BCKDHA: variants seen among roughly 807,000 people sequenced by gnomAD.
BCKDHA encodes 2-oxoisovalerate dehydrogenase subunit alpha, mitochondrial.
In BCKDHA, 43 loss-of-function variants were observed where a neutral mutation model predicts 52.2. The observed-to-expected ratio is 0.82, with a 90% CI of 0.64 to 1.06. BCKDHA has a LOEUF of 1.06. Ranked by LOEUF, BCKDHA falls within the 50% of genes least tolerant of loss-of-function variation. The pLI, the probability that BCKDHA is intolerant of heterozygous loss-of-function variation, is 0.00. For missense variants in BCKDHA, 527 were observed against 621.3 expected, an observed-to-expected ratio of 0.85 and a Z score of 1.61; for synonymous variants, 234 against 247.9, an observed-to-expected ratio of 0.94 and a Z score of 0.53.
In BCKDHA at chr19:41,423,078, A is replaced by C. The variant is rs751195488; in HGVS notation, c.1076A>C (p.His359Pro). 1.3e-6 allele frequency: 2 copies of C among 1,586,076 alleles called. No homozygotes were observed. The highest frequency in any genetic ancestry group is 4.6e-5 in the East Asian group (2 of 43,500). ...DEVNYWDKQD[H>P]PISRLRHYLL... ...GTCAATTACTGGGATAAACAGGACC[A>C]CCCCATCTCCCGGCTGCGGCACTAT... Residue 359 changes from histidine to proline, a missense_variant, in exon 8 of 9, where the codon CAC (histidine) becomes CCC (proline). His to Pro is a moderately conservative substitution (Grantham distance 77). Transcript: ENST00000269980.
intron 1 of BCKDHA, among the ~76,000 whole-genome samples, chr19:41,399,016 T>C (rs2039107925): frequency 6.6e-6 from 1 of 151,910 alleles, no homozygotes; most frequent in South Asian, 2.1e-4. Context: ...GAAACTAACC[T>C]TGGAGATGGG....
chr19:41,398,168 C>A (rs2039097458), intron 1 of BCKDHA, among the ~76,000 whole-genome samples: 1 of 152,092 alleles, frequency 6.6e-6, no homozygotes, highest in South Asian at 2.1e-4. Flanking sequence ...TCTTTGTGGG[C>A]CCTGAGGGAG....
chr19:41,403,213 T>C (rs1172884156), intron 1 of BCKDHA, among the ~76,000 whole-genome samples: 2 of 152,204 alleles, frequency 1.3e-5, no homozygotes, highest in East Asian at 3.8e-4. Flanking sequence ...CTTTGCTCTG[T>C]TTGAGGGCAG....
In BCKDHA at chr19:41,412,742, C is replaced by T. The variant is rs367849723; in HGVS notation, c.376-1307C>T. Among the ~76,000 whole-genome samples, 229 of 149,630 alleles carry T rather than the reference C, an allele frequency of 1.5e-3. 1 individual carries two copies. Among genetic ancestry groups the T allele is most frequent in the African/African-American group, 5.4e-3 (221 of 40,558 alleles). ...ATTTAGAGACGGAGTCCACCTCTGT[C>T]GCCCAGGCTGGAGTGCAGTGGCGCA... On this transcript the variant is annotated intron_variant, in intron 3 of 8. Coordinates refer to ENST00000269980, the MANE Select transcript of BCKDHA (RefSeq NM_000709.4).
At chr19:41,416,157 T>C (rs1013060366) in intron 4 of BCKDHA, among the ~76,000 whole-genome samples, 8 of 152,092 alleles carry the variant, frequency 5.3e-5, no homozygotes, top group African/African-American at 1.9e-4. Flanking sequence ...TTGGTCAGGC[T>C]GGTTTCAAAC....
At chr19:41,406,812 T>C (rs1279335035) in intron 1 of BCKDHA, among the ~76,000 whole-genome samples, 1 of 152,160 alleles carries the variant, frequency 6.6e-6, no homozygotes, top group Non-Finnish European at 1.5e-5. Flanking sequence ...TCAGGTGATC[T>C]GCCTGCCTCG....
In BCKDHA at chr19:41,410,678, C is replaced by T. The variant is rs2039242016; in HGVS notation, c.150C>T (p.Asp50=). 1 of 1,614,228 alleles carries T rather than the reference C, an allele frequency of 6.2e-7. No homozygotes were observed. The highest frequency in any genetic ancestry group is 8.5e-7 in the Non-Finnish European group (1 of 1,180,042). Residue 50 remains aspartate, a synonymous_variant, in exon 2 of 9, where the codon GAC becomes GAT. Transcript: ENST00000269980. The part of the protein sequence containing the change: ...RQQQQFSSLD[D]KPQFPGASAE... ...AGCAGCAGTTTTCATCTCTGGATGA[C>T]AAGCCCCAGTTCCCAGGGGCCTCGG...
At chr19:41,413,972 T>C (rs949727229) in intron 3 of BCKDHA, 77 bp from the exon 4 acceptor site, 14 of 1,250,548 alleles carry the variant, frequency 1.1e-5, no homozygotes, top group Non-Finnish European at 1.4e-5. Flanking sequence ...TGTTGGAAGC[T>C]GGGCAGGATT....
chr19:41,414,656 G>A (rs907622621), intron 4 of BCKDHA, among the ~76,000 whole-genome samples: 1 of 152,132 alleles, frequency 6.6e-6, no homozygotes, highest in Non-Finnish European at 1.5e-5. Flanking sequence ...GATTAGAGGG[G>A]CCCGGCAAGC....
At chr19:41,422,069 C>G (rs2039371729) in intron 5 of BCKDHA, 95 bp from the exon 6 acceptor site, 2 of 1,282,570 alleles carry the variant, frequency 1.6e-6, no homozygotes, top group Non-Finnish European at 2.2e-6. Flanking sequence ...GACTGCTGGC[C>G]TGAGCCACGC....
intron 4 of BCKDHA, 41 bp from the exon 5 acceptor site, chr19:41,419,094 G>A: frequency 6.2e-7 from 1 of 1,612,744 alleles, no homozygotes; most frequent in Non-Finnish European, 8.5e-7. Context: ...CTGTCCCCCT[G>A]TACTGCCCAC....
At chr19:41,406,114 C>G (rs1364358174) in intron 1 of BCKDHA, among the ~76,000 whole-genome samples, 1 of 152,106 alleles carries the variant, frequency 6.6e-6, no homozygotes, top group East Asian at 1.9e-4. Flanking sequence ...GGGCAGCAAC[C>G]CTGGGGCTGG....
intron 5 of BCKDHA, 49 bp from the exon 6 acceptor site, chr19:41,422,115 A>G: frequency 6.5e-7 from 1 of 1,547,646 alleles, no homozygotes; most frequent in Non-Finnish European, 8.8e-7. Context: ...AATGAGTGTG[A>G]GTGCATGTGA....
chr19:41,424,377 G>A, intron 8 of BCKDHA, 61 bp from the exon 9 acceptor site: 2 of 1,600,566 alleles, frequency 1.2e-6, no homozygotes, highest in South Asian at 2.2e-5. Flanking sequence ...GGCCCCGCAG[G>A]AGGAAGCAGG....
At chr19:41,419,075 A>G in intron 4 of BCKDHA, 60 bp from the exon 5 acceptor site, 1 of 1,594,610 alleles carries the variant, frequency 6.3e-7, no homozygotes, top group Non-Finnish European at 8.6e-7. Context: ...GGTCACCCAC[A>G]GGGCTGAACT....
At chr19:41,411,034 G>C (rs200757652) in intron 3 of BCKDHA, 25 bp downstream of exon 3, 4 of 1,611,816 alleles carry the variant, frequency 2.5e-6, no homozygotes, top group East Asian at 2.2e-5. Context: ...GACTAGGGGC[G>C]GGGGGCTGGA....
intron 4 of BCKDHA, among the ~76,000 whole-genome samples, chr19:41,416,980 G>C (rs2039313361): frequency 6.6e-6 from 1 of 152,086 alleles, no homozygotes; most frequent in Admixed American, 6.6e-5. Context: ...ACTGGACCTG[G>C]AGTTTCCTGG....
Position 41,418,456 on chromosome 19 carries a change from C to T in BCKDHA, c.485-679C>T, listed in dbSNP as rs903919859. Among the ~76,000 whole-genome samples the T allele has an allele frequency of 1.5e-4, 23 of 152,036 alleles. 1 individual carries two copies. Among genetic ancestry groups the T allele is most frequent in the Non-Finnish European group, 3.1e-4 (21 of 68,020 alleles). Reference sequence around the variant, plus strand: ...TTGTTTGAAGAAAAGGTTTTACTGCCATACATGGGTTAGAGTACTTCTGTA... The same window carrying T: ...TTGTTTGAAGAAAAGGTTTTACTGCTATACATGGGTTAGAGTACTTCTGTA... On this transcript the variant is annotated intron_variant, in intron 4 of 8. Transcript: ENST00000269980.
In BCKDHA at chr19:41,422,161, C is replaced by T. The variant is rs962483414; in HGVS notation, c.647-3C>T. 1.2e-6 allele frequency: 2 copies of T among 1,613,000 alleles called. No homozygotes were observed. The highest frequency in any genetic ancestry group is 1.7e-6 in the Non-Finnish European group (2 of 1,179,638). On this transcript the variant is annotated splice_region_variant and splice_polypyrimidine_tract_variant and intron_variant, in intron 5 of 8. Coordinates refer to ENST00000269980, the MANE Select transcript of BCKDHA (RefSeq NM_000709.4). ...CTGCTCACCACCCTCTCATCCCCTG[C>T]AGCGGTGGGGGCGGCGTACGCAGCC...
Sources: gnomAD v4.1 joint callset for allele counts (sites outside exome capture counted in the v4.1 genomes callset) on GRCh38, gnomAD v4.1.1 for gene constraint, MANE v1.5 for transcripts, NCBI Gene and HGNC (gene_info 2026-07-23, HGNC 2026-07-21) for gene names.